Variants in UNC45B observed in about 807,000 individuals in gnomAD.
UNC45B encodes the protein protein unc-45 homolog B.
A neutral mutation model predicts 98.7 loss-of-function variants in UNC45B; 78 were observed. The ratio of observed to expected loss-of-function variants is 0.79; its 90% confidence interval spans 0.66 to 0.95. The LOEUF (loss-of-function observed/expected upper bound fraction) is 0.95. Ranked by LOEUF, UNC45B falls within the 40% of genes least tolerant of loss-of-function variation. UNC45B has a pLI of 0.00. For missense variants in UNC45B, 1,225 were observed against 1,184.9 expected (o/e 1.03, Z -0.50); for synonymous variants, 462 against 480.4 (o/e 0.96, Z 0.50).
chr17:35,153,498 G>C (rs1289989164), intron 5 of UNC45B, among the ~76,000 whole-genome samples: 1 of 147,026 alleles, frequency 6.8e-6, no homozygotes, highest in African/African-American at 2.5e-5. Flanking sequence ...TTTTTTTTAT[G>C]TTTCCTTCTA....
intron 7 of UNC45B, 105 bp from the exon 8 acceptor site, chr17:35,159,270 T>C: frequency 9.6e-7 from 1 of 1,041,716 alleles, no homozygotes; most frequent in Admixed American, 2.3e-5. Context: ...ATTCAGGAAG[T>C]AGTGGATTCA....
intron 14 of UNC45B, among the ~76,000 whole-genome samples, chr17:35,175,085 A>AAGAGAG (rs34062315): frequency 1.0e-5 from 1 of 97,338 alleles, no homozygotes; most frequent in Non-Finnish European, 2.0e-5. Context: ...GAAAGAAAGA[A>AAGAGAG]AGAGAAAGAA....
Position 35,159,528 on chromosome 17 carries a change from T to C in UNC45B, c.962T>C (p.Ile321Thr). 6.2e-7 allele frequency: 1 copy of C among 1,613,766 alleles called. No individual in the cohort carries two copies. Among genetic ancestry groups the C allele is most frequent in the Non-Finnish European group, 8.5e-7 (1 of 1,179,830 alleles). Reference sequence around the variant, plus strand: ...GCCATTCATGACAACTCACGTACCATCTATGTGGTGGATAATGGTGAGAAG... The same window carrying C: ...GCCATTCATGACAACTCACGTACCACCTATGTGGTGGATAATGGTGAGAAG... ...DLAIHDNSRT[I>T]YVVDNGLRKI... The change falls in exon 8 of 20, where the codon ATC (isoleucine) becomes ACC (threonine). Residue 321 changes from isoleucine (I) to threonine (T), a missense_variant. By Grantham distance (89) the Ile-to-Thr change is moderately conservative. Transcript: ENST00000394570.
In UNC45B at chr17:35,183,497, A is replaced by G; in HGVS notation, c.2444A>G (p.Asp815Gly). Residue 815 changes from aspartate to glycine, a missense_variant, in exon 19 of 20, where the codon GAT becomes GGT. Asp to Gly is a moderately conservative substitution (Grantham distance 94, BLOSUM62 -1). Coordinates refer to ENST00000394570, the MANE Select transcript of UNC45B (RefSeq NM_001267052.2). ...KLVVLLCGEDDDKVQNAAAGA... is the reference protein window; with the variant it reads ...KLVVLLCGEDGDKVQNAAAGA... ...GTGGTGCTGCTCTGCGGGGAGGATG[A>G]TGATAAGGTGCAGAATGCGGCTGCA... The G allele has an allele frequency of 6.2e-7, 1 of 1,606,566 alleles. No homozygotes were observed. Among genetic ancestry groups the G allele is most frequent in the South Asian group, 1.1e-5 (1 of 90,002 alleles).
Position 35,168,234 on chromosome 17 carries a change from T to C in UNC45B, c.1325T>C (p.Val442Ala). 1 of 1,590,108 alleles carries C rather than the reference T, an allele frequency of 6.3e-7. No homozygotes were observed. Among genetic ancestry groups the C allele is most frequent in the Non-Finnish European group, 8.6e-7 (1 of 1,167,448 alleles). The change falls in exon 10 of 20, where the codon GTG becomes GCG. Residue 442 changes from valine to alanine, a missense_variant. Coordinates refer to ENST00000394570, the MANE Select transcript of UNC45B (RefSeq NM_001267052.2). ...CGCGAGACGGACCAGCTGGTGGCCG[T>C]GGAGGCCCTCATCCATGCCTCCACG... is the stretch of plus-strand genomic sequence containing the variant. The part of the protein sequence containing the change: ...SERETDQLVA[V>A]EALIHASTKL...
At chr17:35,152,743 C>A in intron 4 of UNC45B, 150 bp from the exon 5 acceptor site, 1 of 720,470 alleles carries the variant, frequency 1.4e-6, no homozygotes, top group Non-Finnish European at 2.5e-6. Flanking sequence ...TCGTACTTAT[C>A]CAGTAAATGT....
intron 14 of UNC45B, 46 bp from the exon 15 acceptor site, chr17:35,175,922 G>GGT: frequency 1.3e-6 from 2 of 1,573,722 alleles, no homozygotes; most frequent in Non-Finnish European, 1.7e-6. Flanking sequence ...TGCCTGGGAA[G>GGT]GTGTGCTGGT....
chr17:35,152,560 A>G (rs542441984), intron 4 of UNC45B, among the ~76,000 whole-genome samples: 4 of 152,336 alleles, frequency 2.6e-5, no homozygotes, highest in African/African-American at 9.6e-5. Flanking sequence ...TTTTATCCCT[A>G]TTTAAATGTC....
Position 35,168,113 on chromosome 17 carries a change from G to C in UNC45B, c.1204G>C (p.Val402Leu), listed in dbSNP as rs1295195140. 6.3e-7 allele frequency: 1 copy of C among 1,583,484 alleles called. No individual in the cohort carries two copies. Among genetic ancestry groups the C allele is most frequent in the Non-Finnish European group, 8.6e-7 (1 of 1,164,376 alleles). Residue 402 changes from valine (V) to leucine (L), a missense_variant, in exon 10 of 20, where the codon GTG becomes CTG. Val to Leu is a conservative substitution (Grantham distance 32). Transcript: ENST00000394570. ...CAAGAACTTGAATGCCATCCAGACA[G>C]TGTCAGGGATCCTGCAGGGCCCCTT... is the stretch of plus-strand genomic sequence containing the variant. ...MDKNLNAIQT[V>L]SGILQGPFDL...
intron 17 of UNC45B, 31 bp from the exon 18 acceptor site, chr17:35,180,528 G>C: frequency 1.9e-6 from 3 of 1,584,508 alleles, no homozygotes; most frequent in Non-Finnish European, 2.6e-6. Flanking sequence ...GAAGACTCAA[G>C]GGTCTTTCTT....
At chr17:35,175,037 A>AAGAC (rs2092218993) in intron 14 of UNC45B, among the ~76,000 whole-genome samples, 2 of 146,900 alleles carry the variant, frequency 1.4e-5, no homozygotes, top group South Asian at 4.5e-4. Context: ...AGAGAGAGGA[A>AAGAC]AGAAGGAAAG....
chr17:35,149,242 A>G (rs886611243), intron 3 of UNC45B, among the ~76,000 whole-genome samples: 1 of 152,136 alleles, frequency 6.6e-6, no homozygotes, highest in Non-Finnish European at 1.5e-5. Context: ...CTGCCTTCAA[A>G]TTCCTAAAAG....
chr17:35,180,386 C>T (rs2092265388), intron 17 of UNC45B, among the ~76,000 whole-genome samples, 173 bp from the exon 18 acceptor site: 1 of 152,054 alleles, frequency 6.6e-6, no homozygotes, highest in Non-Finnish European at 1.5e-5. Context: ...TTAGTTGAGG[C>T]CCATGGTGCC....
chr17:35,168,222 A>C lies in UNC45B; in HGVS notation c.1313A>C (p.Gln438Pro). 6.3e-7 allele frequency: 1 copy of C among 1,593,520 alleles called. No homozygotes were observed. Among genetic ancestry groups the C allele is most frequent in the East Asian group, 2.3e-5 (1 of 42,968 alleles). ...ALCGSERETD[Q>P]LVAVEALIHA... ...TGTGGCTCAGAGCGCGAGACGGACC[A>C]GCTGGTGGCCGTGGAGGCCCTCATC... Residue 438 changes from glutamine (Q) to proline (P), a missense_variant, in exon 10 of 20, where the codon CAG becomes CCG. By Grantham distance (76) the Gln-to-Pro change is moderately conservative. Coordinates refer to ENST00000394570, the MANE Select transcript of UNC45B (RefSeq NM_001267052.2).
At chr17:35,148,944 G>T (rs369143882) in intron 2 of UNC45B, 29 bp from the exon 3 acceptor site, 2 of 1,613,884 alleles carry the variant, frequency 1.2e-6, no homozygotes, top group Non-Finnish European at 1.7e-6. Context: ...CACATTAACC[G>T]AGTCTCCTTC....
intron 9 of UNC45B, among the ~76,000 whole-genome samples, chr17:35,166,085 C>CAAAAAAAAAAAAAAAAAAAAAA (rs1277152297): frequency 1.8e-4 from 3 of 16,262 alleles, no homozygotes; most frequent in Admixed American, 1.1e-3. Context: ...ACCCTCATCT[C>CAAAAAAAAAAAAAAAAAAAAAA]TAAAAAAAAA....
chr17:35,186,187 C>G, intron 19 of UNC45B, 112 bp from the exon 20 acceptor site: 1 of 1,425,234 alleles, frequency 7.0e-7, no homozygotes, highest in East Asian at 2.3e-5. Flanking sequence ...CTAATTACCT[C>G]TTAAAGGACC....
At chr17:35,148,676 G>A (rs1371972574) in intron 2 of UNC45B, among the ~76,000 whole-genome samples, 3 of 152,248 alleles carry the variant, frequency 2.0e-5, no homozygotes, top group Middle Eastern at 3.4e-3. Context: ...CTAATGGCCC[G>A]TGAGATAGCT....
At chr17:35,169,747 T>C (rs991030712) in intron 10 of UNC45B, 90 bp from the exon 11 acceptor site, 1 of 1,141,592 alleles carries the variant, frequency 8.8e-7, no homozygotes, top group African/African-American at 1.5e-5. Flanking sequence ...CGAAGTGTTC[T>C]GGCCATAGAA....
Sources: allele counts gnomAD v4.1 joint callset (sites outside exome capture counted in the v4.1 genomes callset), GRCh38; gene constraint gnomAD v4.1.1; transcripts MANE v1.5; gene names NCBI Gene and HGNC (gene_info 2026-07-23, HGNC 2026-07-21).